The following MYBPC2 variants were observed in gnomAD, a reference collection of about 807,000 sequenced individuals.
MYBPC2 encodes the protein myosin-binding protein C, fast-type.
MYBPC2 carries 122 observed loss-of-function variants against 137.0 expected under a neutral mutation model. The ratio of observed to expected loss-of-function variants is 0.89; its 90% confidence interval spans 0.77 to 1.03. The LOEUF (loss-of-function observed/expected upper bound fraction) is 1.03. Among genes scored for constraint, MYBPC2 ranks in the 50% least tolerant of loss-of-function variants. The pLI is 0.00. For synonymous variants in MYBPC2, 626 were observed against 612.3 expected (o/e 1.02, Z -0.33); for missense variants, 1,500 against 1,534.4 (o/e 0.98, Z 0.37).
chr19:50,458,049 C>T (rs934847311), intron 20 of MYBPC2, among the ~76,000 whole-genome samples: 1 of 151,584 alleles, frequency 6.6e-6, no homozygotes, highest in Non-Finnish European at 1.5e-5. Context: ...TAATGAACAA[C>T]GCCTATAATC....
In MYBPC2 at chr19:50,451,972, C is replaced by A; in HGVS notation, c.1718C>A (p.Pro573His). ...RLDVSITGEP[P>H]PVATWLKGDE... ...GACGTGTCCATCACAGGGGAGCCCC[C>A]TCCCGTCGCTACCTGGCTGAAGGGA... The change falls in exon 16 of 28, where the codon CCT becomes CAT. Residue 573 changes from proline to histidine, a missense_variant. Coordinates refer to ENST00000357701, the MANE Select transcript of MYBPC2 (RefSeq NM_004533.4). 6.4e-7 allele frequency: 1 copy of A among 1,554,088 alleles called. No homozygotes were observed. The highest frequency in any genetic ancestry group is 8.7e-7 in the Non-Finnish European group (1 of 1,148,142).
chr19:50,454,500 A>C, intron 18 of MYBPC2, 131 bp downstream of exon 18: 1 of 749,434 alleles, frequency 1.3e-6, no homozygotes. Context: ...ATCTCGGCTC[A>C]CTGCAACCTC....
chr19:50,437,635 C>T (rs1226523880), intron 6 of MYBPC2, 24 bp from the exon 7 acceptor site: 1 of 1,599,118 alleles, frequency 6.3e-7, no homozygotes, highest in Admixed American at 1.7e-5. Flanking sequence ...GGTCAAGACT[C>T]ACATGCCCTC....
At position 50,461,987 on chromosome 19, in the gene MYBPC2, T is replaced by C. The variant is rs2039976570; in HGVS notation, c.3179T>C (p.Val1060Ala). 1 of 1,577,032 alleles carries C rather than the reference T, an allele frequency of 6.3e-7. No homozygotes were observed. ...ACACCTCTCATAGACCGCGTGGTCG[T>C]GGCTGGGTACTCGGCAGCCCTCAAC... ...FLTPLIDRVVVAGYSAALNCA... is the reference protein window; with the variant it reads ...FLTPLIDRVVAAGYSAALNCA... The change falls in exon 26 of 28, where the codon GTG (valine) becomes GCG (alanine). Residue 1060 changes from valine (V) to alanine (A), a missense_variant. Transcript: ENST00000357701.
intron 12 of MYBPC2, 29 bp from the exon 13 acceptor site, chr19:50,448,195 AC>A: frequency 6.3e-7 from 1 of 1,599,186 alleles, no homozygotes; most frequent in South Asian, 1.1e-5. Flanking sequence ...TAGAGTAGTG[AC>A]GGCTCCTTGT....
intron 13 of MYBPC2, among the ~76,000 whole-genome samples, chr19:50,449,472 T>TGGAAACTGGCCCAATGCC (rs909182832): frequency 6.6e-6 from 1 of 152,208 alleles, no homozygotes; most frequent in African/African-American, 2.4e-5. Context: ...TGGCCCAGGC[T>TGGAAACTGGCCCAATGCC]GGAAACTGGC....
Position 50,435,681 on chromosome 19 carries a change from C to A in MYBPC2, c.110-95C>A. 9.9e-7 allele frequency: 1 copy of A among 1,013,280 alleles called. No homozygotes were observed. The highest frequency in any genetic ancestry group is 1.4e-6 in the Non-Finnish European group (1 of 697,296). 62.8% of individuals were successfully genotyped at this position (1,013,280 alleles called of 1,614,324 possible). ...GATGTTTGGTTTCTGAGTAGAGGGG[C>A]CCTCACTGTCTCTAAGTCCTTTCCC... On this transcript the variant is annotated intron_variant, in intron 2 of 27. Coordinates refer to ENST00000357701, the MANE Select transcript of MYBPC2 (RefSeq NM_004533.4). This position sits in a 1 kb window ranked among gnomAD's most constrained non-coding sequence, Gnocchi z 4.8.
chr19:50,450,469 G>A (rs967215150), intron 13 of MYBPC2, among the ~76,000 whole-genome samples: 3 of 152,158 alleles, frequency 2.0e-5, no homozygotes, highest in South Asian at 4.2e-4. Flanking sequence ...GGGTCTTGCC[G>A]TGTTGCCCTG....
chr19:50,454,944 A>C (rs1171871634), intron 18 of MYBPC2, among the ~76,000 whole-genome samples, 164 bp from the exon 19 acceptor site: 1 of 151,794 alleles, frequency 6.6e-6, no homozygotes, highest in East Asian at 1.9e-4. Context: ...TGACTCCAGG[A>C]CTGGTGGCCT....
chr19:50,459,769 G>T (rs1325515198), intron 23 of MYBPC2, among the ~76,000 whole-genome samples: 1 of 146,644 alleles, frequency 6.8e-6, no homozygotes, highest in Non-Finnish European at 1.5e-5. Context: ...GAGTGGAGGA[G>T]AGATGAAGAT....
At chr19:50,453,362 C>G (rs930110853) in intron 16 of MYBPC2, among the ~76,000 whole-genome samples, 2 of 152,182 alleles carry the variant, frequency 1.3e-5, no homozygotes, top group Admixed American at 1.3e-4. Flanking sequence ...AACCCAGGGG[C>G]TGGAGCCAGC....
At chr19:50,455,482 C>G in intron 19 of MYBPC2, 28 bp from the exon 20 acceptor site, 2 of 1,606,784 alleles carry the variant, frequency 1.2e-6, no homozygotes, top group South Asian at 2.2e-5. Context: ...TCATTCCCCC[C>G]ATATCCTCTT....
intron 12 of MYBPC2, 139 bp downstream of exon 12, chr19:50,446,191 G>A: frequency 9.4e-7 from 1 of 1,065,184 alleles, no homozygotes; most frequent in Non-Finnish European, 1.3e-6. Flanking sequence ...CCACCAGGGA[G>A]ATCTGATGGC....
chr19:50,459,153 C>T lies in MYBPC2; in HGVS notation c.2638C>T (p.Pro880Ser). ...PQVVWTKGGA[P>S]LDTSRVHVRT... ...GGTGGTGTGGACCAAGGGCGGGGCC[C>T]CGCTGGACACCTCCCGCGTGCACGT... is the stretch of plus-strand genomic sequence containing the variant. Residue 880 changes from proline (P) to serine (S), a missense_variant, in exon 23 of 28, where the codon CCG becomes TCG. By Grantham distance (74) the Pro-to-Ser change is moderately conservative (BLOSUM62 -1). Coordinates refer to ENST00000357701, the MANE Select transcript of MYBPC2 (RefSeq NM_004533.4). 2 of 1,594,958 alleles carry T rather than the reference C, an allele frequency of 1.3e-6. No individual in the cohort carries two copies. Among genetic ancestry groups the T allele is most frequent in the Non-Finnish European group, 1.7e-6 (2 of 1,173,140 alleles).
rs749238068 is a variant in MYBPC2, at chr19:50,462,033, G to C, written c.3225G>C (p.Pro1075=). The change falls in exon 26 of 28, where the codon CCG becomes CCC. Residue 1075 remains proline (P), a synonymous_variant. Coordinates refer to ENST00000357701, the MANE Select transcript of MYBPC2 (RefSeq NM_004533.4). ...TCAACTGTGCTGTCAGAGGCCACCCGAAGGTGCCAGGGCAGGGACCCAGAT... is the reference window on the plus strand; with the variant it reads ...TCAACTGTGCTGTCAGAGGCCACCCCAAGGTGCCAGGGCAGGGACCCAGAT... The part of the protein sequence containing the change: ...AALNCAVRGH[P]KPKVVWMKNK... The C allele has an allele frequency of 3.2e-6, 5 of 1,572,236 alleles. No individual in the cohort carries two copies. The highest frequency in any genetic ancestry group is 4.3e-6 in the Non-Finnish European group (5 of 1,158,730).
rs1369695914 is a variant in MYBPC2, at chr19:50,442,358, C to T, written c.902+45C>T. On this transcript the variant is annotated intron_variant, in intron 9 of 27. Transcript: ENST00000357701. Reference sequence around the variant, plus strand: ...TCCCTGCACCGGGGAGATCCCCGTCCAGAGAGAACGCCCGGAGACAAGGCC... The same window carrying T: ...TCCCTGCACCGGGGAGATCCCCGTCTAGAGAGAACGCCCGGAGACAAGGCC... 3.1e-6 allele frequency: 5 copies of T among 1,591,294 alleles called. No homozygotes were observed. In the African/African-American group the frequency reaches 6.7e-5, roughly 21 times the overall value.
intron 7 of MYBPC2, among the ~76,000 whole-genome samples, chr19:50,438,000 A>G (rs2039719295): frequency 6.6e-6 from 1 of 151,754 alleles, no homozygotes; most frequent in South Asian, 2.1e-4. Flanking sequence ...CACCATTCTC[A>G]CACCCACTCT....
intron 25 of MYBPC2, 98 bp downstream of exon 25, chr19:50,461,799 G>C (rs1208298019): frequency 2.5e-6 from 4 of 1,585,224 alleles, no homozygotes; most frequent in Non-Finnish European, 2.6e-6. Flanking sequence ...TGGGGTTGAC[G>C]GCACCTAGTC....
In MYBPC2 at chr19:50,443,797, G is replaced by T; in HGVS notation, c.1114G>T (p.Glu372Ter). 1 of 1,613,868 alleles carries T rather than the reference G, an allele frequency of 6.2e-7. No homozygotes were observed. The highest frequency in any genetic ancestry group is 1.1e-5 in the South Asian group (1 of 91,046). Residue 372 changes from glutamate to a stop codon, truncating the protein, a stop_gained, in exon 11 of 28, where the codon GAG (glutamate) becomes TAG (stop). Coordinates refer to ENST00000357701, the MANE Select transcript of MYBPC2 (RefSeq NM_004533.4). LOFTEE classifies it high-confidence loss of function. ...RVEMAVEVSEEGAQVMWMKDG... is the reference protein window; with the variant it reads ...RVEMAVEVSE ...GGAAATGGCAGTGGAGGTGTCAGAA[G>T]AGGGTGCCCAGGTGATGTGGTAAGT...
Sources: allele counts gnomAD v4.1 joint callset (sites outside exome capture counted in the v4.1 genomes callset), GRCh38; gene constraint gnomAD v4.1.1; non-coding constraint Gnocchi (gnomAD v3.1); transcripts MANE v1.5; gene names NCBI Gene and HGNC (gene_info 2026-07-23, HGNC 2026-07-21).